Variants in DMD observed in about 807,000 individuals in gnomAD.
DMD encodes mutant dystrophin.
In DMD, 63 loss-of-function variants were observed where a neutral mutation model predicts 330.1. That is an observed-to-expected ratio of 0.19 (90% CI 0.16 to 0.24). The LOEUF (loss-of-function observed/expected upper bound fraction) is 0.24, where lower values mean the gene tolerates loss of function less well. Among genes scored for constraint, DMD ranks in the 10% least tolerant of loss-of-function variants. The pLI is 1.00. For missense variants in DMD, 3,344 were observed against 2,684.1 expected, an observed-to-expected ratio of 1.25 and a Z score of -5.43; for synonymous variants, 1,223 against 959.8, an observed-to-expected ratio of 1.27 and a Z score of -5.07.
At chrX:32,876,815 A>G (rs759465715) in intron 2 of DMD, among the ~76,000 whole-genome samples, 2 of 112,375 alleles carry the variant, frequency 1.8e-5, no homozygotes, top group Middle Eastern at 4.6e-3. Context: ...GAGTTGTACC[A>G]TAGGTGACAC....
intron 43 of DMD, among the ~76,000 whole-genome samples, chrX:32,252,783 A>T (rs1232455563): frequency 0.11 from 4,820 of 43,125 alleles, 453 homozygotes; most frequent in Non-Finnish European, 0.14. Context: ...AATATATATA[A>T]ATATATATAA....
chrX:32,056,512 T>C (rs1451837834), intron 44 of DMD, among the ~76,000 whole-genome samples: 3 of 109,906 alleles, frequency 2.7e-5, no homozygotes, highest in Non-Finnish European at 5.7e-5. Context: ...AACAACTGTA[T>C]GTTAACCTAG....
At chrX:31,155,998 A>G (rs1282968677) in intron 74 of DMD, among the ~76,000 whole-genome samples, 1 of 110,964 alleles carries the variant, frequency 9.0e-6, no homozygotes, top group African/African-American at 3.3e-5. Flanking sequence ...CCATTTAAAA[A>G]AAAAAGTGAC....
intron 2 of DMD, among the ~76,000 whole-genome samples, chrX:32,910,236 A>G (rs2087102921): frequency 9.0e-6 from 1 of 111,555 alleles, no homozygotes; most frequent in South Asian, 3.8e-4. Flanking sequence ...TGGATGACAG[A>G]ACACCTCAAC....
At chrX:32,521,051 C>T (rs187923446) in intron 17 of DMD, among the ~76,000 whole-genome samples, 18 of 111,647 alleles carry the variant, frequency 1.6e-4, no homozygotes, top group Non-Finnish European at 2.3e-4. Context: ...ATGTAGCCAC[C>T]GTTCTCATTC....
chrX:32,961,324 G>A (rs1454246019), intron 2 of DMD, among the ~76,000 whole-genome samples: 1 of 110,741 alleles, frequency 9.0e-6, no homozygotes, highest in Admixed American at 9.7e-5. Context: ...TTTATGGTAT[G>A]GTTGATTCAC....
chrX:32,809,919 C>CAAAAAAAAAAAAA (rs55898363), intron 6 of DMD, among the ~76,000 whole-genome samples: 6 of 28,647 alleles, frequency 2.1e-4, no homozygotes, highest in African/African-American at 5.4e-4. Context: ...TTGTTTCTAC[C>CAAAAAAAAAAAAA]AAAAAAAAAA....
intron 44 of DMD, among the ~76,000 whole-genome samples, chrX:32,047,890 T>G (rs1225053893): frequency 9.1e-6 from 1 of 109,616 alleles, no homozygotes; most frequent in Non-Finnish European, 1.9e-5. Flanking sequence ...ATAAAACTAG[T>G]GAAATGGAAG....
intron 44 of DMD, among the ~76,000 whole-genome samples, chrX:32,016,107 A>C (rs752850845): frequency 1.8e-5 from 2 of 112,036 alleles, no homozygotes; most frequent in East Asian, 5.7e-4. Context: ...TTCAGTTTAG[A>C]GGTCTATTAA....
At chrX:32,258,045 C>A (rs1343155732) in intron 43 of DMD, among the ~76,000 whole-genome samples, 2 of 110,957 alleles carry the variant, frequency 1.8e-5, no homozygotes, top group Non-Finnish European at 3.8e-5. Context: ...TTTATGCAGC[C>A]AGCAAACATA....
chrX:31,742,978 G>C (rs1485402933), intron 51 of DMD, among the ~76,000 whole-genome samples: 1 of 110,928 alleles, frequency 9.0e-6, no homozygotes, highest in Non-Finnish European at 1.9e-5. Context: ...GAATCTATAG[G>C]GAACTTAAAC....
intron 9 of DMD, among the ~76,000 whole-genome samples, chrX:32,690,439 T>G (rs2063192806): frequency 9.0e-6 from 1 of 111,426 alleles, no homozygotes; most frequent in South Asian, 3.7e-4. Flanking sequence ...TCTACAGAAC[T>G]AATATAATCT....
At chrX:32,110,513 G>A (rs2146620409) in intron 44 of DMD, among the ~76,000 whole-genome samples, 1 of 111,791 alleles carries the variant, frequency 8.9e-6, no homozygotes, top group South Asian at 3.8e-4. Flanking sequence ...TTAAAATAAA[G>A]GAGTTCTATC....
intron 34 of DMD, among the ~76,000 whole-genome samples, chrX:32,371,603 T>A (rs2097878386): frequency 9.0e-6 from 1 of 111,520 alleles, no homozygotes; most frequent in African/African-American, 3.3e-5. Flanking sequence ...GATTAGACTT[T>A]GTCAAAGCTT....
chrX:31,444,953 G>A (rs1400501323), intron 59 of DMD, among the ~76,000 whole-genome samples: 1 of 111,312 alleles, frequency 9.0e-6, no homozygotes, highest in Admixed American at 9.6e-5. Context: ...TGCTTTGTAT[G>A]AGGAATGGGC....
intron 4 of DMD, among the ~76,000 whole-genome samples, chrX:32,826,333 G>A (rs1208233602): frequency 9.0e-6 from 1 of 111,375 alleles, no homozygotes; most frequent in Non-Finnish European, 1.9e-5. Flanking sequence ...TCTACTGCTG[G>A]GTATATATTC....
intron 4 of DMD, among the ~76,000 whole-genome samples, chrX:32,834,474 T>C (rs1027824302): frequency 1.8e-5 from 2 of 111,828 alleles, no homozygotes; most frequent in Non-Finnish European, 3.8e-5. Context: ...TAACATTATA[T>C]GCCAGCATGT....
chrX:32,371,685 G>A (rs1187271793), intron 34 of DMD, among the ~76,000 whole-genome samples: 4 of 111,018 alleles, frequency 3.6e-5, no homozygotes, highest in Non-Finnish European at 3.8e-5. Context: ...ACTTTCCTAT[G>A]GTTATGTTTT....
intron 60 of DMD, among the ~76,000 whole-genome samples, chrX:31,403,442 T>C (rs1343475355): frequency 8.9e-6 from 1 of 112,025 alleles, no homozygotes; most frequent in African/African-American, 3.2e-5. Flanking sequence ...AAACAAATTC[T>C]AATTTTATGT....
Sources: allele counts gnomAD v4.1 joint callset (sites outside exome capture counted in the v4.1 genomes callset), GRCh38; gene constraint gnomAD v4.1.1; transcripts MANE v1.5; gene names NCBI Gene and HGNC (gene_info 2026-07-23, HGNC 2026-07-21).